AGBL4: variants seen among roughly 807,000 people sequenced by gnomAD.
The protein encoded by AGBL4 is AGBL carboxypeptidase 4.
A neutral mutation model predicts 66.4 loss-of-function variants in AGBL4; 58 were observed. The observed-to-expected ratio is 0.87, with a 90% CI of 0.71 to 1.09. AGBL4 has a LOEUF of 1.09. AGBL4 is among the 50% of genes least tolerant of loss of function. The probability of loss-of-function intolerance (pLI) is 0.00; values close to 1 mark genes in which losing one functional copy is unlikely to be tolerated. For missense variants in AGBL4, 579 were observed against 631.0 expected (o/e 0.92, Z 0.88); for synonymous variants, 234 against 222.9 (o/e 1.05, Z -0.44).
chr1:48,676,206 A>G (rs1375566623), intron 6 of AGBL4, among the ~76,000 whole-genome samples: 1 of 152,248 alleles, frequency 6.6e-6, no homozygotes. Context: ...AGCTTTCAGT[A>G]TTACTGATTT....
intron 6 of AGBL4, chr1:48,759,262 C>A: frequency 6.4e-7 from 1 of 1,563,486 alleles, no homozygotes; most frequent in Non-Finnish European, 8.7e-7. Context: ...CGCCACTTCG[C>A]TCGGCTTCCG....
At chr1:50,016,404 A>G (rs1661989664) in intron 1 of AGBL4, among the ~76,000 whole-genome samples, 1 of 152,100 alleles carries the variant, frequency 6.6e-6, no homozygotes, top group Admixed American at 6.6e-5. Flanking sequence ...CTACTAAAAA[A>G]CACAAAAATT....
chr1:49,949,099 C>G (rs369543288), intron 1 of AGBL4, among the ~76,000 whole-genome samples: 1 of 151,348 alleles, frequency 6.6e-6, no homozygotes, highest in African/African-American at 2.4e-5. Flanking sequence ...GGAAAGGACA[C>G]CCTATTCAAC....
At chr1:48,970,760 G>A (rs140749000) in intron 5 of AGBL4, among the ~76,000 whole-genome samples, 9 of 152,124 alleles carry the variant, frequency 5.9e-5, no homozygotes, top group Non-Finnish European at 1.3e-4. Flanking sequence ...ACACATATGT[G>A]GGGTAGTGGA....
At chr1:49,359,941 T>C (rs1023923672) in intron 3 of AGBL4, among the ~76,000 whole-genome samples, 99 of 152,144 alleles carry the variant, frequency 6.5e-4, no homozygotes, top group Admixed American at 6.4e-3. Context: ...AAGAGGTGGT[T>C]GGTGACCCTT....
intron 1 of AGBL4, among the ~76,000 whole-genome samples, chr1:49,881,853 T>C (rs943192128): frequency 1.4e-4 from 21 of 151,808 alleles, no homozygotes; most frequent in South Asian, 4.1e-4. Context: ...TTCACTCTGA[T>C]GGTAGTTTCT....
rs1049359888 is a variant in AGBL4 at position 49,286,909 on chromosome 1, A to G, written c.283-41045T>C. On this transcript the variant is annotated intron_variant, in intron 3 of 13. Transcript: ENST00000371839. ...AAAAAGAGCCCGCATCGCCAAGTCA[A>G]TCCTAAGCCAAAAGAACAAAGCTGG... Among the ~76,000 whole-genome samples the G allele has an allele frequency of 6.6e-5, 10 of 152,284 alleles. No individual in the cohort carries two copies. In the South Asian group the frequency reaches 8.3e-4, roughly 13 times the overall value.
intron 3 of AGBL4, among the ~76,000 whole-genome samples, chr1:49,679,772 C>A (rs1478419498): frequency 6.6e-6 from 1 of 152,040 alleles, no homozygotes. Flanking sequence ...AGGTAGCATA[C>A]CATATATACA....
At chr1:48,645,613 T>G (rs2148430413) in intron 8 of AGBL4, among the ~76,000 whole-genome samples, 1 of 152,260 alleles carries the variant, frequency 6.6e-6, no homozygotes, top group East Asian at 1.9e-4. Context: ...TCTATGAACT[T>G]GAAGGGGGGT....
intron 3 of AGBL4, among the ~76,000 whole-genome samples, chr1:49,637,196 C>T (rs552792066): frequency 6.6e-6 from 1 of 152,314 alleles, no homozygotes; most frequent in South Asian, 2.1e-4. Flanking sequence ...TGAGTTAATA[C>T]TTAATAAACT....
At chr1:49,094,493 T>C (rs1269552907) in intron 4 of AGBL4, among the ~76,000 whole-genome samples, 1 of 152,152 alleles carries the variant, frequency 6.6e-6, no homozygotes, top group Non-Finnish European at 1.5e-5. Flanking sequence ...TTATGTTTAT[T>C]GATTTGCAGA....
chr1:49,747,701 A>C (rs1324362300), intron 2 of AGBL4, among the ~76,000 whole-genome samples: 1 of 152,112 alleles, frequency 6.6e-6, no homozygotes. Flanking sequence ...TACAAGATGA[A>C]GTCTTGTCTT....
chr1:48,763,470 T>TTG (rs1056711472), intron 6 of AGBL4, among the ~76,000 whole-genome samples: 10 of 151,922 alleles, frequency 6.6e-5, no homozygotes, highest in African/African-American at 9.7e-5. Context: ...TGGTGTTTTT[T>TTG]TGTGTGTGTG....
intron 2 of AGBL4, among the ~76,000 whole-genome samples, chr1:49,767,049 A>G (rs570710351): frequency 2.0e-5 from 3 of 152,284 alleles, no homozygotes; most frequent in African/African-American, 7.2e-5. Flanking sequence ...GCAGATGATC[A>G]AAGAAGAAAA....
chr1:49,255,358 A>G (rs995662615), intron 3 of AGBL4, among the ~76,000 whole-genome samples: 3 of 152,188 alleles, frequency 2.0e-5, no homozygotes, highest in Non-Finnish European at 4.4e-5. Flanking sequence ...CGGGCAAAAG[A>G]CAAGATTACA....
chr1:49,449,088 C>T (rs571970477), intron 3 of AGBL4, among the ~76,000 whole-genome samples: 44 of 151,944 alleles, frequency 2.9e-4, no homozygotes, highest in Middle Eastern at 3.4e-3. Context: ...TTGTGATATA[C>T]ATATATAGAT....
intron 4 of AGBL4, among the ~76,000 whole-genome samples, chr1:49,207,152 C>T (rs61783580): frequency 6.6e-6 from 1 of 152,032 alleles, no homozygotes; most frequent in Admixed American, 6.6e-5. Context: ...AGGCTCTGGG[C>T]AGGAGCGAAC....
intron 3 of AGBL4, among the ~76,000 whole-genome samples, chr1:49,322,077 C>A (rs1365269322): frequency 1.3e-5 from 2 of 152,172 alleles, no homozygotes; most frequent in African/African-American, 4.8e-5. Context: ...AAGAAATGAG[C>A]ATTGCTCTGT....
intron 5 of AGBL4, among the ~76,000 whole-genome samples, chr1:48,950,265 T>A (rs1656860800): frequency 1.3e-5 from 2 of 151,948 alleles, no homozygotes; most frequent in Admixed American, 6.6e-5. Context: ...CCTGGCTAAC[T>A]TTTTGTATCT....
Sources: gnomAD v4.1 joint callset for allele counts (sites outside exome capture counted in the v4.1 genomes callset) on GRCh38, gnomAD v4.1.1 for gene constraint, MANE v1.5 for transcripts, NCBI Gene and HGNC (gene_info 2026-07-23, HGNC 2026-07-21) for gene names.